TYW1B: variants seen among roughly 807,000 people sequenced by gnomAD.
TYW1B encodes S-adenosyl-L-methionine-dependent tRNA 4-demethylwyosine synthase TYW1B.
A neutral mutation model predicts 86.9 loss-of-function variants in TYW1B; 73 were observed. The observed-to-expected ratio is 0.84, with a 90% CI of 0.70 to 1.02. The LOEUF is 1.02. Ranked by LOEUF, TYW1B falls within the 50% of genes least tolerant of loss-of-function variation. The pLI is 0.00. For missense variants in TYW1B, 637 were observed against 827.4 expected, an observed-to-expected ratio of 0.77 and a Z score of 2.82; for synonymous variants, 248 against 292.8, an observed-to-expected ratio of 0.85 and a Z score of 1.56.
intron 11 of TYW1B, 105 bp downstream of exon 11, chr7:72,694,582 A>G (rs1211763468): frequency 1.5e-6 from 2 of 1,335,208 alleles, no homozygotes; most frequent in Non-Finnish European, 1.9e-6. Flanking sequence ...TTAAAGAGAA[A>G]AGAGGAAAAA....
chr7:72,802,567 G>A (rs375921221), intron 5 of TYW1B, 45 bp from the exon 6 acceptor site: 4 of 1,605,528 alleles, frequency 2.5e-6, no homozygotes, highest in Non-Finnish European at 3.4e-6. Flanking sequence ...AAGGGGCAAA[G>A]GCAAAGTTCT....
chr7:72,815,584 G>A (rs1788708297), intron 2 of TYW1B, 103 bp from the exon 3 acceptor site: 2 of 1,078,264 alleles, frequency 1.9e-6, no homozygotes, highest in African/African-American at 1.6e-5. Context: ...CATGAAAAAT[G>A]TTTTCAGTGA....
intron 2 of TYW1B, among the ~76,000 whole-genome samples, chr7:72,825,395 G>A (rs1788911828): frequency 6.6e-6 from 1 of 152,116 alleles, no homozygotes; most frequent in African/African-American, 2.4e-5. Context: ...TGTGTGACGT[G>A]AGGCCAGGTG....
At chr7:72,782,553 G>A (rs760438274) in intron 6 of TYW1B, among the ~76,000 whole-genome samples, 1 of 152,064 alleles carries the variant, frequency 6.6e-6, no homozygotes, top group African/African-American at 2.4e-5. Context: ...TTACCATCAG[G>A]TGATTCCTTT....
intron 7 of TYW1B, among the ~76,000 whole-genome samples, chr7:72,756,201 TTTTTATTTTATTTTATTTTA>T (rs66806955): frequency 2.9e-5 from 4 of 138,788 alleles, no homozygotes; most frequent in Admixed American, 7.2e-5. Flanking sequence ...GTTTATTATT[TTTTTATTTTATTTTATTTTA>T]TTTTATTTTA....
intron 11 of TYW1B, among the ~76,000 whole-genome samples, chr7:72,666,375 G>A (rs561714883): frequency 7.6e-4 from 115 of 152,234 alleles, no homozygotes; most frequent in Non-Finnish European, 1.4e-3. Flanking sequence ...GCAGTGAGCT[G>A]TGATTGTGCA....
At chr7:72,690,298 C>T (rs1814115225) in intron 11 of TYW1B, among the ~76,000 whole-genome samples, 1 of 92,458 alleles carries the variant, frequency 1.1e-5, no homozygotes. Flanking sequence ...ATATATTTCT[C>T]TTTTTTTAAA....
chr7:72,640,595 A>G (rs1465160874), intron 11 of TYW1B, among the ~76,000 whole-genome samples: 2 of 152,136 alleles, frequency 1.3e-5, no homozygotes, highest in Non-Finnish European at 2.9e-5. Context: ...GGCATTATAA[A>G]AAGGCCGATT....
intron 11 of TYW1B, among the ~76,000 whole-genome samples, chr7:72,674,442 G>A (rs1554446971): frequency 1.3e-5 from 2 of 151,968 alleles, no homozygotes. Flanking sequence ...GTCTGATGCA[G>A]GGTGTCTTCA....
chr7:72,682,834 C>T (rs1554448644), intron 11 of TYW1B, among the ~76,000 whole-genome samples: 1 of 152,056 alleles, frequency 6.6e-6, no homozygotes, highest in African/African-American at 2.4e-5. Flanking sequence ...CTGTAATTGA[C>T]GAAGTGCTGG....
At position 72,802,400 on chromosome 7, in the gene TYW1B, C is replaced by A; in HGVS notation, c.846G>T (p.Lys282Asn). The change falls in exon 6 of 14, where the codon AAG (lysine) becomes AAT (asparagine). Residue 282 changes from lysine (K) to asparagine (N), a missense_variant and splice_region_variant. By Grantham distance (94) the Lys-to-Asn change is moderately conservative. Transcript: ENST00000620995. The part of the protein sequence containing the change: ...GKIMDHVKKE[K>N]REKEQQEEKS... ...GCAACATTTCCCAAAGTAATGGTAC[C>A]TTTTCTTTCTTCACGTGATCCATAA... 3 of 1,613,752 alleles carry A rather than the reference C, an allele frequency of 1.9e-6. No homozygotes were observed. The highest frequency in any genetic ancestry group is 2.5e-6 in the Non-Finnish European group (3 of 1,179,796).
intron 12 of TYW1B, among the ~76,000 whole-genome samples, chr7:72,619,627 G>A (rs1169708531): frequency 9.9e-5 from 13 of 131,584 alleles, no homozygotes; most frequent in East Asian, 2.4e-4. Flanking sequence ...TGGCCTGGGC[G>A]ACAGAGCAAG....
intron 7 of TYW1B, among the ~76,000 whole-genome samples, chr7:72,767,644 ACTT>A (rs1554468780): frequency 6.6e-6 from 1 of 152,034 alleles, no homozygotes; most frequent in African/African-American, 2.4e-5. Context: ...AATAAAAAAA[ACTT>A]TGTCTTCATT....
intron 13 of TYW1B, among the ~76,000 whole-genome samples, chr7:72,600,878 C>A (rs1285915111): frequency 1.3e-5 from 2 of 152,014 alleles, no homozygotes; most frequent in Non-Finnish European, 2.9e-5. Flanking sequence ...AAAAAAGGGC[C>A]GGGCGTGGTG....
chr7:72,675,093 C>A (rs568712809), intron 11 of TYW1B, among the ~76,000 whole-genome samples: 173 of 149,756 alleles, frequency 1.2e-3, no homozygotes, highest in Non-Finnish European at 1.7e-3. Flanking sequence ...CAATGAAAAA[C>A]CTGTAGGAAA....
chr7:72,821,366 A>G (rs1359322419), intron 2 of TYW1B, among the ~76,000 whole-genome samples: 2 of 152,262 alleles, frequency 1.3e-5, no homozygotes, highest in Non-Finnish European at 2.9e-5. Context: ...ATACTACTGC[A>G]AGGACATCTG....
intron 8 of TYW1B, among the ~76,000 whole-genome samples, chr7:72,737,788 T>TG (rs1268273861): frequency 1.3e-4 from 1 of 7,872 alleles, no homozygotes; most frequent in African/African-American, 3.1e-4. Context: ...ATTTTACTTC[T>TG]TTTTTTTTTT....
intron 10 of TYW1B, among the ~76,000 whole-genome samples, chr7:72,710,802 T>TA (rs1433063351): frequency 3.3e-5 from 5 of 152,212 alleles, no homozygotes; most frequent in Non-Finnish European, 7.3e-5. Flanking sequence ...AGCTAGACTT[T>TA]GTCTCAAAAA....
intron 11 of TYW1B, among the ~76,000 whole-genome samples, chr7:72,632,395 TATATA>T (rs1306025460): frequency 9.3e-6 from 1 of 107,404 alleles, no homozygotes; most frequent in East Asian, 2.1e-4. Context: ...TACGTATATA[TATATA>T]ATATATATAT....
Sources: allele counts gnomAD v4.1 joint callset (sites outside exome capture counted in the v4.1 genomes callset), GRCh38; gene constraint gnomAD v4.1.1; transcripts MANE v1.5; gene names NCBI Gene and HGNC (gene_info 2026-07-23, HGNC 2026-07-21).